LINGO2: variants seen among roughly 807,000 people sequenced by gnomAD.
LINGO2 encodes leucine rich repeat and Ig domain containing 2.
In LINGO2, 14 loss-of-function variants were observed where a neutral mutation model predicts 30.6. The observed-to-expected ratio is 0.46, with a 90% CI of 0.30 to 0.72. LINGO2 has a LOEUF of 0.72. Among genes scored for constraint, LINGO2 ranks in the 30% least tolerant of loss-of-function variants. The pLI is 0.07. For missense variants in LINGO2, 729 were observed against 751.7 expected, an observed-to-expected ratio of 0.97 and a Z score of 0.35; for synonymous variants, 317 against 288.5, an observed-to-expected ratio of 1.10 and a Z score of -1.00.
chr9:28,875,146 C>T, the LINGO2 span, among the ~76,000 whole-genome samples: 2 of 152,122 alleles, frequency 1.3e-5, no homozygotes, highest in African/African-American at 4.8e-5. Context: ...CCTCAATTAA[C>T]TTTTTCTCCT....
chr9:28,448,923 C>G (rs1824535298), intron 2 of LINGO2, among the ~76,000 whole-genome samples: 1 of 151,878 alleles, frequency 6.6e-6, no homozygotes, highest in African/African-American at 2.4e-5. Flanking sequence ...CAAAGAAAAG[C>G]ATTACCACCA....
intron 2 of LINGO2, among the ~76,000 whole-genome samples, chr9:28,448,897 G>A (rs1824533979): frequency 6.6e-6 from 1 of 151,894 alleles, no homozygotes; most frequent in Admixed American, 6.6e-5. Flanking sequence ...GACAAGTCAG[G>A]GATATATCAA....
chr9:28,488,406 G>C (rs1826258442), intron 1 of LINGO2, among the ~76,000 whole-genome samples: 1 of 152,072 alleles, frequency 6.6e-6, no homozygotes, highest in Admixed American at 6.6e-5. Flanking sequence ...ATTATAAATA[G>C]ATCCAACTTC....
At chr9:28,488,581 C>A (rs986778729) in intron 1 of LINGO2, among the ~76,000 whole-genome samples, 1 of 152,088 alleles carries the variant, frequency 6.6e-6, no homozygotes, top group Admixed American at 6.6e-5. Flanking sequence ...TAAGTCAACC[C>A]TTTCTCATTT....
At chr9:28,208,933 A>C (rs1290835018) in intron 4 of LINGO2, among the ~76,000 whole-genome samples, 1 of 151,080 alleles carries the variant, frequency 6.6e-6, no homozygotes, top group Non-Finnish European at 1.5e-5. Context: ...TCATTTCTCT[A>C]CTCTTATTAA....
At chr9:28,267,907 T>C (rs1822810898) in intron 4 of LINGO2, among the ~76,000 whole-genome samples, 1 of 152,000 alleles carries the variant, frequency 6.6e-6, no homozygotes, top group Non-Finnish European at 1.5e-5. Flanking sequence ...TACATATTAA[T>C]CTCTCGGAGC....
At chr9:28,529,766 C>T (rs1398777740) in intron 1 of LINGO2, among the ~76,000 whole-genome samples, 3 of 151,928 alleles carry the variant, frequency 2.0e-5, no homozygotes, top group Non-Finnish European at 2.9e-5. Context: ...AATACCAGTT[C>T]TTTCCCAGGT....
the LINGO2 span, among the ~76,000 whole-genome samples, chr9:29,128,290 G>A: frequency 2.0e-5 from 3 of 152,070 alleles, no homozygotes; most frequent in Non-Finnish European, 4.4e-5. Flanking sequence ...AGGTTCTGAG[G>A]TCTAGTACTA....
At chr9:28,614,186 T>C (rs751144048) in intron 1 of LINGO2, among the ~76,000 whole-genome samples, 52 of 152,122 alleles carry the variant, frequency 3.4e-4, no homozygotes, top group Non-Finnish European at 6.9e-4. Flanking sequence ...TTAAAAAGTA[T>C]CAGAACACAT....
chr9:28,714,182 T>TATATATATATATATATAG, the LINGO2 span, among the ~76,000 whole-genome samples: 1 of 91,336 alleles, frequency 1.1e-5, no homozygotes, highest in Non-Finnish European at 1.9e-5. Flanking sequence ...TATATATATA[T>TATATATATATATATATAG]ATATATACAC....
At chr9:28,787,836 A>C in the LINGO2 span, among the ~76,000 whole-genome samples, 1 of 152,166 alleles carries the variant, frequency 6.6e-6, no homozygotes, top group Non-Finnish European at 1.5e-5. Context: ...AATGATTGGC[A>C]TATATTTTTA....
intron 4 of LINGO2, among the ~76,000 whole-genome samples, chr9:28,026,690 G>T (rs1384035906): frequency 5.3e-5 from 8 of 151,790 alleles, no homozygotes; most frequent in Admixed American, 5.2e-4. Context: ...TTATTTTTTT[G>T]AGGTATCCCC....
chr9:28,501,026 T>C (rs1819861221), intron 1 of LINGO2, among the ~76,000 whole-genome samples: 2 of 152,144 alleles, frequency 1.3e-5, no homozygotes. Context: ...TAAAGACTTT[T>C]ATAACATTCT....
chr9:28,512,593 G>GTATA (rs770866133), intron 1 of LINGO2, among the ~76,000 whole-genome samples: 14 of 10,572 alleles, frequency 1.3e-3, no homozygotes, highest in Non-Finnish European at 1.5e-3. Flanking sequence ...ATATATGTGT[G>GTATA]TATATATATA....
chr9:28,088,350 A>T (rs961480223), intron 4 of LINGO2, among the ~76,000 whole-genome samples: 1 of 152,020 alleles, frequency 6.6e-6, no homozygotes. Flanking sequence ...ATACATTTGG[A>T]CCATGGCTAA....
At chr9:27,972,858 C>T (rs1247318182) in intron 5 of LINGO2, among the ~76,000 whole-genome samples, 1 of 152,148 alleles carries the variant, frequency 6.6e-6, no homozygotes, top group Non-Finnish European at 1.5e-5. Flanking sequence ...AGGATAGTTA[C>T]CAAAACTTTA....
chr9:28,878,677 G>A, the LINGO2 span, among the ~76,000 whole-genome samples: 3 of 152,164 alleles, frequency 2.0e-5, no homozygotes, highest in Non-Finnish European at 4.4e-5. Flanking sequence ...TGCAAGGCTG[G>A]TTCAATATAC....
At chr9:28,070,665 G>T (rs1825446575) in intron 4 of LINGO2, among the ~76,000 whole-genome samples, 1 of 152,034 alleles carries the variant, frequency 6.6e-6, no homozygotes, top group African/African-American at 2.4e-5. Context: ...TAATTATTAT[G>T]TACTTGGTGT....
chr9:28,740,375 G>A, the LINGO2 span, among the ~76,000 whole-genome samples: 237 of 151,740 alleles, frequency 1.6e-3, 4 homozygotes, highest in African/African-American at 5.5e-3. Flanking sequence ...TTTTTGAATT[G>A]TCTATTTCTC....
Sources: gnomAD v4.1 joint callset for allele counts (sites outside exome capture counted in the v4.1 genomes callset) on GRCh38, gnomAD v4.1.1 for gene constraint, MANE v1.5 for transcripts, NCBI Gene and HGNC (gene_info 2026-07-23, HGNC 2026-07-21) for gene names.